The following SCN7A variants were observed in gnomAD, a reference collection of about 807,000 sequenced individuals.
SCN7A encodes the protein sodium voltage-gated channel alpha subunit 7, also known as sodium channel protein type 7 subunit alpha.
SCN7A carries 138 observed loss-of-function variants against 155.2 expected under a neutral mutation model. The ratio of observed to expected loss-of-function variants is 0.89; its 90% CI spans 0.77 to 1.02. The LOEUF (loss-of-function observed/expected upper bound fraction) is 1.02. Among genes scored for constraint, SCN7A ranks in the 50% least tolerant of loss-of-function variants. The pLI is 0.00. For missense variants in SCN7A, 2,058 were observed against 1,986.6 expected, an observed-to-expected ratio of 1.04 and a Z score of -0.68; for synonymous variants, 693 against 649.0, an observed-to-expected ratio of 1.07 and a Z score of -1.03.
rs1683176438 is a variant in SCN7A at position 166,494,167 on chromosome 2, TG to T, written c.-328del. The stretch of plus-strand genomic sequence containing the variant: ...TCTGCAGTAAATGGGCCCCACTAAA[TG>T]GCCAGTTAGACACCGACTCACTGGG... On this transcript the variant is annotated 5_prime_UTR_variant, in exon 1 of 26. Transcript: ENST00000643258. 6.6e-6 allele frequency: 1 copy of T among 152,358 alleles called. No individual in the cohort carries two copies. The highest frequency in any genetic ancestry group is 1.5e-5 in the Non-Finnish European group (1 of 68,248). The allele number at this position is 152,358 out of a possible 1,614,324, so 9.4% of individuals were successfully genotyped here.
intron 12 of SCN7A, 86 bp from the exon 13 acceptor site, chr2:166,445,086 T>C (rs997085892): frequency 2.7e-6 from 2 of 748,924 alleles, no homozygotes; most frequent in African/African-American, 3.5e-5. Flanking sequence ...GAAGCCGAGG[T>C]GGGTGAATCA....
At chr2:166,482,909 C>T (rs893216412) in intron 2 of SCN7A, among the ~76,000 whole-genome samples, 28 of 152,084 alleles carry the variant, frequency 1.8e-4, no homozygotes, top group Admixed American at 7.2e-4. Flanking sequence ...ATATGGTCCA[C>T]GCACTACGCT....
intron 9 of SCN7A, 112 bp downstream of exon 9, chr2:166,465,350 A>G: frequency 1.3e-6 from 1 of 771,922 alleles, no homozygotes; most frequent in Non-Finnish European, 2.1e-6. Context: ...GGTTTTGATG[A>G]TGAAATGAGA....
intron 2 of SCN7A, among the ~76,000 whole-genome samples, chr2:166,480,798 C>A (rs924372401): frequency 4.6e-5 from 7 of 152,184 alleles, no homozygotes; most frequent in Non-Finnish European, 7.3e-5. Flanking sequence ...AGAAAAAATT[C>A]ATGGGCTTTG....
chr2:166,441,515 T>A lies in SCN7A; in HGVS notation c.2038A>T (p.Asn680Tyr). Residue 680 changes from asparagine to tyrosine, a missense_variant, in exon 15 of 26, where the codon AAT becomes TAT. Physicochemically the swap from Asn to Tyr is moderately radical, Grantham distance 143. Transcript: ENST00000643258. ...HMHDFFHSFL[N>Y]VFRILCGEWV... is the part of the protein sequence containing the mutation. The stretch of plus-strand genomic sequence containing the variant: ...TCTCCACAGAGAATTCGGAACACAT[T>A]CAGGAAGGAGTGGAAAAAGTCATGC... 6.2e-7 allele frequency: 1 copy of A among 1,614,030 alleles called. No homozygotes were observed. The highest frequency in any genetic ancestry group is 1.1e-5 in the South Asian group (1 of 91,074).
At chr2:166,449,420 T>G (rs1224318161) in intron 11 of SCN7A, among the ~76,000 whole-genome samples, 1 of 152,154 alleles carries the variant, frequency 6.6e-6, no homozygotes, top group Non-Finnish European at 1.5e-5. Flanking sequence ...ACATTCTGGT[T>G]GGCAAGTTCT....
At chr2:166,414,819 A>T (rs2105375400) in intron 21 of SCN7A, 1 of 135,150 alleles carries the variant, frequency 7.4e-6, no homozygotes, top group Non-Finnish European at 1.5e-5. Context: ...TAGGATATAT[A>T]ATATATAATA....
chr2:166,444,692 G>A, intron 13 of SCN7A, 70 bp downstream of exon 13: 2 of 835,970 alleles, frequency 2.4e-6, no homozygotes, highest in Admixed American at 2.6e-5. Flanking sequence ...TGGGAATAAT[G>A]ATGAACAAAG....
intron 25 of SCN7A, among the ~76,000 whole-genome samples, chr2:166,407,332 C>T (rs1430747867): frequency 6.6e-6 from 1 of 151,890 alleles, no homozygotes; most frequent in Non-Finnish European, 1.5e-5. Flanking sequence ...AACTATAAAA[C>T]AAGGTAGAAT....
At chr2:166,412,478 T>C in intron 23 of SCN7A, 52 bp downstream of exon 23, 1 of 1,344,142 alleles carries the variant, frequency 7.4e-7, no homozygotes, top group Non-Finnish European at 9.6e-7. Flanking sequence ...TATATTTATG[T>C]GTATGCCTGA....
At chr2:166,491,694 A>C (rs1183615099) in intron 1 of SCN7A, among the ~76,000 whole-genome samples, 2 of 150,026 alleles carry the variant, frequency 1.3e-5, no homozygotes, top group Non-Finnish European at 3.0e-5. Context: ...ATCTGTTTGT[A>C]CAAGATTTTC....
Position 166,423,110 on chromosome 2 carries a change from A to G in SCN7A, c.3027+149T>C, listed in dbSNP as rs911396531. 16 of 724,266 alleles carry G rather than the reference A, an allele frequency of 2.2e-5. No individual in the cohort carries two copies. In the African/African-American group the frequency reaches 3.0e-4, roughly 13 times the overall value. 44.9% of individuals were successfully genotyped at this position (724,266 alleles called of 1,614,324 possible). On this transcript the variant is annotated intron_variant, in intron 19 of 25. Transcript: ENST00000643258. Reference sequence around the variant, plus strand: ...GAATAAGAAGAAAATGATAGATGTTAAATATTACAAACTAAGAAAGGTGTC... The same window carrying G: ...GAATAAGAAGAAAATGATAGATGTTGAATATTACAAACTAAGAAAGGTGTC...
chr2:166,414,149 A>G (rs1701284370), intron 21 of SCN7A, among the ~76,000 whole-genome samples: 1 of 62,936 alleles, frequency 1.6e-5, no homozygotes, highest in Admixed American at 2.5e-4. Context: ...AAATATATAT[A>G]AATATATATA....
chr2:166,423,520 C>A, intron 18 of SCN7A, 88 bp from the exon 19 acceptor site: 1 of 1,386,784 alleles, frequency 7.2e-7, no homozygotes, highest in East Asian at 2.6e-5. Flanking sequence ...AATTTTGTCT[C>A]TAATAGGCAT....
At chr2:166,481,719 GTTGA>G (rs1173998356) in intron 2 of SCN7A, among the ~76,000 whole-genome samples, 7 of 152,112 alleles carry the variant, frequency 4.6e-5, no homozygotes, top group Non-Finnish European at 1.0e-4. Flanking sequence ...GAACCAGAAG[GTTGA>G]TTAAGTAAAA....
intron 21 of SCN7A, among the ~76,000 whole-genome samples, chr2:166,415,808 A>T (rs1400123188): frequency 6.6e-6 from 1 of 152,178 alleles, no homozygotes; most frequent in East Asian, 1.9e-4. Flanking sequence ...TTTGAACAAT[A>T]TGAAATCAGT....
Position 166,458,474 on chromosome 2 carries a change from A to G in SCN7A, c.1084-1398T>C, listed in dbSNP as rs182324130. ...AATTTTATCTATATTGAACATATAG[A>G]CTTTTTATCTTGTCATTATGAACAA... On this transcript the variant is annotated intron_variant, in intron 10 of 25. Transcript: ENST00000643258. 1.4e-4 allele frequency among the ~76,000 whole-genome samples: 22 copies of G among 152,282 alleles called. No homozygotes were observed. The East Asian group carries it at 4.0e-3, about 28-fold the overall frequency.
intron 21 of SCN7A, chr2:166,414,537 T>A (rs1018880504): frequency 4.2e-5 from 6 of 142,116 alleles, no homozygotes; most frequent in African/African-American, 1.6e-4. Context: ...CCCGGAAGTC[T>A]ATATCCTCAT....
intron 16 of SCN7A, among the ~76,000 whole-genome samples, chr2:166,430,210 C>T (rs1406839042): frequency 6.6e-6 from 1 of 151,898 alleles, no homozygotes; most frequent in East Asian, 1.9e-4. Flanking sequence ...TTTTGTCCTA[C>T]CTCTTAGACT....
Sources: gnomAD v4.1 joint callset for allele counts (sites outside exome capture counted in the v4.1 genomes callset) on GRCh38, gnomAD v4.1.1 for gene constraint, MANE v1.5 for transcripts, NCBI Gene and HGNC (gene_info 2026-07-23, HGNC 2026-07-21) for gene names.